RAB40C: variants seen among roughly 807,000 people sequenced by gnomAD.
RAB40C encodes the protein RAB40C, member RAS oncogene family.
RAB40C carries 8 observed loss-of-function variants against 28.1 expected under a neutral mutation model. That is an observed-to-expected ratio of 0.28 (90% CI 0.17 to 0.51). The LOEUF (loss-of-function observed/expected upper bound fraction) is 0.51. Among genes scored for constraint, RAB40C ranks in the 20% least tolerant of loss-of-function variants. The pLI is 0.97. For synonymous variants in RAB40C, 201 were observed against 171.7 expected (o/e 1.17, Z -1.34); for missense variants, 288 against 405.9 (o/e 0.71, Z 2.50).
chr16:618,627 GGGGC>G, intron 3 of RAB40C, among the ~76,000 whole-genome samples: 1 of 151,852 alleles, frequency 6.6e-6, no homozygotes, highest in East Asian at 1.9e-4. Context: ...AGGTCTGGCG[GGGGC>G]ACTGGGGCCA....
Position 593,760 on chromosome 16 carries a change from G to T in RAB40C, c.142+3327G>T, listed in dbSNP as rs144322672. ...CTCTTCCGTGTCTCCTAATGTGGGT[G>T]TGCGCTGGGTTTCTGGATCTCTAGG... On this transcript the variant is annotated intron_variant, in intron 1 of 5. Transcript: ENST00000248139. Among the ~76,000 whole-genome samples, 6 of 152,350 alleles carry T rather than the reference G, an allele frequency of 3.9e-5. No individual in the cohort carries two copies. In the East Asian group the frequency reaches 9.6e-4, roughly 24 times the overall value.
At chr16:603,077 G>C (rs1330016382) in intron 1 of RAB40C, among the ~76,000 whole-genome samples, 1 of 152,232 alleles carries the variant, frequency 6.6e-6, no homozygotes, top group Non-Finnish European at 1.5e-5. Flanking sequence ...CTCCTGAGTA[G>C]CTGGGGCCAG....
chr16:598,581 GAAAA>G (rs1167357210), intron 1 of RAB40C, among the ~76,000 whole-genome samples: 19 of 144,826 alleles, frequency 1.3e-4, no homozygotes, highest in Admixed American at 9.7e-4. Context: ...AAAAAAAAAA[GAAAA>G]AAGAAAATTA....
Position 618,269 on chromosome 16 carries a change from A to G in RAB40C, c.264+9A>G. On this transcript the variant is annotated intron_variant, in intron 3 of 5. Coordinates refer to ENST00000248139, the MANE Select transcript of RAB40C (RefSeq NM_021168.5). The stretch of plus-strand genomic sequence containing the variant: ...ACTCCAGGGGCGCTCAGGTAAGACC[A>G]GCACCGCTCTTTCCATTGCTTTTCA... 2 of 1,606,114 alleles carry G rather than the reference A, an allele frequency of 1.2e-6. No individual in the cohort carries two copies. Among genetic ancestry groups the G allele is most frequent in the South Asian group, 2.2e-5 (2 of 89,994 alleles).
At chr16:621,294 G>A (rs1181327072) in intron 3 of RAB40C, among the ~76,000 whole-genome samples, 3 of 152,226 alleles carry the variant, frequency 2.0e-5, no homozygotes, top group East Asian at 3.8e-4. Flanking sequence ...AGGTGCGGGT[G>A]CATCCAGCCG....
chr16:591,048 G>T (rs908104726), intron 1 of RAB40C, among the ~76,000 whole-genome samples: 24 of 151,404 alleles, frequency 1.6e-4, no homozygotes, highest in Non-Finnish European at 3.1e-4. Flanking sequence ...CCGAGGAAAG[G>T]TGTCATAGAT....
intron 1 of RAB40C, among the ~76,000 whole-genome samples, chr16:608,029 C>T (rs2036400391): frequency 6.6e-6 from 1 of 152,122 alleles, no homozygotes; most frequent in African/African-American, 2.4e-5. Context: ...CGTTCCTGGG[C>T]AGCCTCCACG....
chr16:590,408 A>G lies in RAB40C; in HGVS notation c.117A>G (p.Ala39=), dbSNP rs200787887. Residue 39 remains alanine (A), a synonymous_variant, in exon 1 of 6, where the codon GCA becomes GCG. Coordinates refer to ENST00000248139, the MANE Select transcript of RAB40C (RefSeq NM_021168.5). ...TGGAGAGCCTGCAGGACGGCGCGGC[A>G]GAGTCCCCGTACGCCTACAGTAACG... is the stretch of plus-strand genomic sequence containing the variant. The part of the protein sequence containing the change: ...EILESLQDGA[A]ESPYAYSNGI... 1.3e-6 allele frequency: 2 copies of G among 1,589,578 alleles called. No individual in the cohort carries two copies. Among genetic ancestry groups the G allele is most frequent in the African/African-American group, 1.4e-5 (1 of 71,358 alleles).
In RAB40C at chr16:625,755, G is replaced by A. The variant is rs2036816196; in HGVS notation, c.343-144G>A. On this transcript the variant is annotated intron_variant, in intron 4 of 5. Transcript: ENST00000248139. ...CTGCACTGTAGGGCCTGAGCCCTGG[G>A]GTCTGCCCACCTTGACCTCCGCCCA... The A allele has an allele frequency of 2.2e-6, 2 of 907,550 alleles. 1 individual carries two copies. Among genetic ancestry groups the A allele is most frequent in the South Asian group, 3.3e-5 (2 of 61,466 alleles). 56.2% of individuals were successfully genotyped at this position (907,550 alleles called of 1,614,324 possible).
rs1335588031 is a variant in RAB40C at position 610,316 on chromosome 16, C to T, written c.143-6892C>T. ...TGTGTTCAGGTCGGCTGAGAGGCAG[C>T]GCCTGGCTGGGGCTAGATGAACAAG... On this transcript the variant is annotated intron_variant, in intron 1 of 5. Coordinates refer to ENST00000248139, the MANE Select transcript of RAB40C (RefSeq NM_021168.5). This position sits in a 1 kb window ranked among gnomAD's most constrained non-coding sequence, Gnocchi z 4.6. Among the ~76,000 whole-genome samples, 2 of 151,868 alleles carry T rather than the reference C, an allele frequency of 1.3e-5. No homozygotes were observed. Among genetic ancestry groups the T allele is most frequent in the Non-Finnish European group, 2.9e-5 (2 of 67,976 alleles).
chr16:619,656 G>GC (rs2036671444), intron 3 of RAB40C, among the ~76,000 whole-genome samples: 1 of 152,168 alleles, frequency 6.6e-6, no homozygotes, highest in African/African-American at 2.4e-5. Flanking sequence ...TGAGCCTGGA[G>GC]CCCCCCATGT....
In RAB40C at chr16:627,830, C is replaced by A; in HGVS notation, c.*208C>A. ...GGGAGGAGGGGGCGCGGCTGGGCTG[C>A]TGGTGCTTCCGGGAATCTTGGTCGG... On this transcript the variant is annotated 3_prime_UTR_variant, in exon 6 of 6. Coordinates refer to ENST00000248139, the MANE Select transcript of RAB40C (RefSeq NM_021168.5). 1 of 521,218 alleles carries A rather than the reference C, an allele frequency of 1.9e-6. No homozygotes were observed. Among genetic ancestry groups the A allele is most frequent in the Non-Finnish European group, 3.1e-6 (1 of 319,714 alleles). The allele number at this position is 521,218 out of a possible 1,614,324, so 32.3% of individuals were successfully genotyped here. A position where few individuals can be genotyped will look rare whatever the true frequency, so the allele number is the denominator to read the frequency against.
intron 1 of RAB40C, among the ~76,000 whole-genome samples, chr16:608,317 C>A (rs1009212683): frequency 7.2e-5 from 11 of 152,206 alleles, no homozygotes; most frequent in Non-Finnish European, 1.3e-4. Flanking sequence ...TAATTATCTC[C>A]ATCTGGCCCC....
At chr16:602,069 T>C (rs1197875605) in intron 1 of RAB40C, among the ~76,000 whole-genome samples, 1 of 152,096 alleles carries the variant, frequency 6.6e-6, no homozygotes, top group African/African-American at 2.4e-5. Flanking sequence ...GAGGTTGCAG[T>C]GAGCCGAGAT....
chr16:615,242 T>C (rs1311484854), intron 1 of RAB40C, among the ~76,000 whole-genome samples: 1 of 152,120 alleles, frequency 6.6e-6, no homozygotes, highest in East Asian at 1.9e-4. Context: ...TTGATGTACA[T>C]GTAGGGGTTG....
chr16:607,552 G>C (rs12922012), intron 1 of RAB40C, among the ~76,000 whole-genome samples: 71,351 of 150,054 alleles, frequency 0.48, 17,310 homozygotes, highest in South Asian at 0.63. Context: ...GCCTGTAATC[G>C]CAGCACTTTG....
chr16:605,376 G>A (rs916094166), intron 1 of RAB40C, among the ~76,000 whole-genome samples: 1 of 152,164 alleles, frequency 6.6e-6, no homozygotes, highest in Non-Finnish European at 1.5e-5. Flanking sequence ...TGTAATTTGT[G>A]TACAAAAAAA....
chr16:626,436 G>A (rs910001010), intron 5 of RAB40C, among the ~76,000 whole-genome samples: 2 of 152,152 alleles, frequency 1.3e-5, no homozygotes, highest in South Asian at 4.1e-4. Flanking sequence ...TCCTGGTTCC[G>A]GGGCTGGTCC....
At position 602,122 on chromosome 16, in the gene RAB40C, A is replaced by C. The variant is rs561588722; in HGVS notation, c.142+11689A>C. ...GCCTGGGCAACAGCTCTCAAAACAA[A>C]ACAAAAAACTACTGATTTGGAGGCA... On this transcript the variant is annotated intron_variant, in intron 1 of 5. Coordinates refer to ENST00000248139, the MANE Select transcript of RAB40C (RefSeq NM_021168.5). 6.6e-5 allele frequency among the ~76,000 whole-genome samples: 10 copies of C among 152,230 alleles called. No homozygotes were observed. The South Asian group carries it at 2.1e-3, about 32-fold the overall frequency.
Sources: gnomAD v4.1 joint callset for allele counts (sites outside exome capture counted in the v4.1 genomes callset) on GRCh38, gnomAD v4.1.1 for gene constraint, Gnocchi (gnomAD v3.1) non-coding constraint, MANE v1.5 for transcripts, NCBI Gene and HGNC (gene_info 2026-07-23, HGNC 2026-07-21) for gene names.